The following ERG variants were observed in gnomAD, a reference collection of about 807,000 sequenced individuals.
ERG encodes the protein transcriptional regulator ERG.
In ERG, 9 loss-of-function variants were observed where a neutral mutation model predicts 55.3. That is an observed-to-expected ratio of 0.16 (90% CI 0.10 to 0.28). The LOEUF is 0.28. Ranked by LOEUF, ERG falls within the 10% of genes least tolerant of loss-of-function variation. The probability of loss-of-function intolerance (pLI) is 1.00; values close to 1 mark genes in which losing one functional copy is unlikely to be tolerated. For missense variants in ERG, 434 were observed against 631.6 expected (o/e 0.69, Z 3.35); for synonymous variants, 223 against 237.3 (o/e 0.94, Z 0.55).
chr21:38,554,478 ATAC>A (rs1456495291), intron 2 of ERG, among the ~76,000 whole-genome samples: 1 of 152,218 alleles, frequency 6.6e-6, no homozygotes, highest in Non-Finnish European at 1.5e-5. Context: ...ACATTACAGA[ATAC>A]TACACAGCCA....
intron 2 of ERG, among the ~76,000 whole-genome samples, chr21:38,551,181 T>G (rs1228302986): frequency 6.6e-6 from 1 of 152,036 alleles, no homozygotes; most frequent in Non-Finnish European, 1.5e-5. Context: ...TTCTGTGGGT[T>G]CAGTGGTAAT....
At chr21:38,368,756 C>G in the ERG span, among the ~76,000 whole-genome samples, 2 of 152,172 alleles carry the variant, frequency 1.3e-5, no homozygotes, top group Non-Finnish European at 2.9e-5. Flanking sequence ...TCCAGATCTT[C>G]TCCCTCCTCC....
rs1987354097 is a variant in ERG, at chr21:38,380,057, T to C, written c.*3346A>G. Reference sequence around the variant, plus strand: ...TGTATTTTTGAGTAGTCCAAAGTAATTTTTATTCTCTAATTAGTCACCTCA... The same window carrying C: ...TGTATTTTTGAGTAGTCCAAAGTAACTTTTATTCTCTAATTAGTCACCTCA... On this transcript the variant is annotated 3_prime_UTR_variant, in exon 10 of 10. Transcript: ENST00000288319. The C allele has an allele frequency of 9.9e-7, 1 of 1,015,114 alleles. No individual in the cohort carries two copies. Among genetic ancestry groups the C allele is most frequent in the African/African-American group, 1.7e-5 (1 of 58,408 alleles). The allele number at this position is 1,015,114 out of a possible 1,614,324, so 62.9% of individuals were successfully genotyped here.
intron 2 of ERG, among the ~76,000 whole-genome samples, chr21:38,554,838 G>GAA (rs796738323): frequency 1.5e-5 from 2 of 129,490 alleles, no homozygotes; most frequent in African/African-American, 2.8e-5. Context: ...AGTTAGAAAG[G>GAA]AAAAAAAAAA....
chr21:38,619,620 T>C (rs1019034781), intron 1 of ERG, among the ~76,000 whole-genome samples: 6 of 152,258 alleles, frequency 3.9e-5, no homozygotes, highest in Non-Finnish European at 7.3e-5. Context: ...GTGAATCTAT[T>C]CTATTTCAGC....
chr21:38,494,532 G>A (rs976465932), intron 1 of ERG, among the ~76,000 whole-genome samples: 4 of 152,180 alleles, frequency 2.6e-5, no homozygotes, highest in Non-Finnish European at 5.9e-5. Flanking sequence ...ATATTTTCCT[G>A]AAGACAACAG....
intron 9 of ERG, among the ~76,000 whole-genome samples, chr21:38,389,349 A>C (rs1023959786): frequency 3.9e-5 from 6 of 152,124 alleles, no homozygotes; most frequent in African/African-American, 1.4e-4. Context: ...TATGAGACAC[A>C]GAAGGGACCA....
chr21:38,441,901 C>T (rs1298713329), intron 2 of ERG, among the ~76,000 whole-genome samples: 1 of 152,198 alleles, frequency 6.6e-6, no homozygotes, highest in Admixed American at 6.5e-5. Context: ...ACAGCACCTG[C>T]CAAACCGACA....
intron 2 of ERG, among the ~76,000 whole-genome samples, chr21:38,436,631 G>T (rs2146535828): frequency 6.6e-6 from 1 of 152,292 alleles, no homozygotes; most frequent in African/African-American, 2.4e-5. Context: ...TCATAATAAT[G>T]TCATCTCATA....
At chr21:38,410,765 ATCT>A (rs1251182259) in intron 3 of ERG, among the ~76,000 whole-genome samples, 16 of 152,252 alleles carry the variant, frequency 1.1e-4, no homozygotes, top group East Asian at 1.9e-4. Flanking sequence ...ACAGGCAAAC[ATCT>A]TCTTTCAGAG....
intron 2 of ERG, among the ~76,000 whole-genome samples, chr21:38,435,323 A>G (rs1430365673): frequency 1.3e-5 from 2 of 152,180 alleles, no homozygotes; most frequent in African/African-American, 4.8e-5. Context: ...GACCCCAGAC[A>G]AGGAGGGGAT....
intron 1 of ERG, among the ~76,000 whole-genome samples, chr21:38,478,146 C>A (rs2059206204): frequency 2.0e-5 from 3 of 152,166 alleles, no homozygotes. Context: ...CCAGACCGGC[C>A]CCAATAACAG....
intron 1 of ERG, among the ~76,000 whole-genome samples, chr21:38,629,597 A>G (rs973492016): frequency 7.9e-5 from 12 of 152,334 alleles, no homozygotes; most frequent in South Asian, 4.1e-4. Flanking sequence ...GTAGAAAAAA[A>G]ATATATCAAG....
In ERG at chr21:38,394,033, CTCAG is replaced by C. The variant is rs1988091171; in HGVS notation, c.746-1593_746-1590del. ...TCTGGGAACACTCTGCACATGGGTT[CTCAG>C]TCAGTTGCATTTTGTCTAAAATAAA... On this transcript the variant is annotated intron_variant, in intron 6 of 9. Transcript: ENST00000288319. Among the ~76,000 whole-genome samples the C allele has an allele frequency of 2.6e-5, 4 of 152,186 alleles. No individual in the cohort carries two copies. In the South Asian group the frequency reaches 8.3e-4, roughly 32 times the overall value.
At chr21:38,394,914 T>G (rs190322993) in intron 6 of ERG, among the ~76,000 whole-genome samples, 2 of 152,332 alleles carry the variant, frequency 1.3e-5, no homozygotes, top group Non-Finnish European at 2.9e-5. Flanking sequence ...CATAAAATTG[T>G]TGCTCATGAA....
intron 1 of ERG, among the ~76,000 whole-genome samples, chr21:38,453,660 A>G (rs143326142): frequency 0.029 from 4,370 of 152,254 alleles, 93 homozygotes; most frequent in Non-Finnish European, 0.047. Context: ...AGGCAGGTGG[A>G]TCACCTGAGG....
At chr21:38,658,480 G>A (rs568086445) in intron 1 of ERG, among the ~76,000 whole-genome samples, 2 of 152,160 alleles carry the variant, frequency 1.3e-5, no homozygotes, top group Non-Finnish European at 2.9e-5. Flanking sequence ...AATAGGAAAC[G>A]ATTCCAGAAA....
At chr21:38,402,410 T>A in intron 5 of ERG, 147 bp downstream of exon 5, 1 of 604,986 alleles carries the variant, frequency 1.7e-6, no homozygotes, top group South Asian at 2.1e-5. Context: ...TAGGCTGTGG[T>A]ACATTCCTAA....
intron 2 of ERG, among the ~76,000 whole-genome samples, chr21:38,555,877 A>C (rs563148115): frequency 1.5e-4 from 23 of 152,242 alleles, no homozygotes; most frequent in Non-Finnish European, 3.4e-4. Context: ...AAAAGTCTTC[A>C]GAAAGGAAAT....
Sources: allele counts gnomAD v4.1 joint callset (sites outside exome capture counted in the v4.1 genomes callset), GRCh38; gene constraint gnomAD v4.1.1; transcripts MANE v1.5; gene names NCBI Gene and HGNC (gene_info 2026-07-23, HGNC 2026-07-21).